The following PLB1 variants were observed in gnomAD, a reference collection of about 807,000 sequenced individuals.
PLB1 encodes the protein phospholipase B1, membrane-associated.
PLB1 carries 242 observed loss-of-function variants against 227.4 expected under a neutral mutation model. That is an observed-to-expected ratio of 1.06 (90% confidence interval 0.96 to 1.18). PLB1 has a LOEUF of 1.18. Ranked by LOEUF, PLB1 falls within the 50% of genes most tolerant of loss-of-function variation. PLB1 has a pLI of 0.00. For synonymous variants in PLB1, 757 were observed against 682.2 expected, an observed-to-expected ratio of 1.11 and a Z score of -1.71; for missense variants, 1,858 against 1,816.3, an observed-to-expected ratio of 1.02 and a Z score of -0.42.
chr2:28,582,276 G>T, intron 24 of PLB1, 129 bp from the exon 25 acceptor site: 1 of 1,173,134 alleles, frequency 8.5e-7, no homozygotes, highest in East Asian at 2.5e-5. Context: ...GCAGGGACGG[G>T]TGGAGGAAGT....
Position 28,563,212 on chromosome 2 carries a change from A to G in PLB1, c.1206+113A>G, listed in dbSNP as rs190152403. 2.4e-4 allele frequency: 256 copies of G among 1,050,316 alleles called. No homozygotes were observed. In the African/African-American group the frequency reaches 3.2e-3, roughly 13 times the overall value. 65.1% of individuals were successfully genotyped at this position (1,050,316 alleles called of 1,614,324 possible). On this transcript the variant is annotated intron_variant, in intron 18 of 57. Coordinates refer to ENST00000327757, the MANE Select transcript of PLB1 (RefSeq NM_153021.5). Reference sequence around the variant, plus strand: ...TCACGCCTGGCTCTTAGATGCTACCATCTCGGGTCCTGATCTCCATCTCTC... The same window carrying G: ...TCACGCCTGGCTCTTAGATGCTACCGTCTCGGGTCCTGATCTCCATCTCTC...
intron 56 of PLB1, among the ~76,000 whole-genome samples, chr2:28,636,281 C>A (rs1689351161): frequency 1.3e-5 from 2 of 152,142 alleles, no homozygotes; most frequent in South Asian, 4.1e-4. Context: ...CCAGGCTGGT[C>A]TTTAACTCCT....
At chr2:28,585,738 T>C (rs759751305) in intron 25 of PLB1, 23 bp from the exon 26 acceptor site, 7 of 1,555,976 alleles carry the variant, frequency 4.5e-6, no homozygotes. Context: ...GGGATGAGGG[T>C]TTCTCTTTGG....
At chr2:28,629,896 T>A (rs1180259791) in intron 53 of PLB1, among the ~76,000 whole-genome samples, 1 of 152,182 alleles carries the variant, frequency 6.6e-6, no homozygotes, top group Non-Finnish European at 1.5e-5. Context: ...TGATTATTGC[T>A]ATGAGAGAGG....
Position 28,620,964 on chromosome 2 carries a change from A to G in PLB1, c.3513A>G (p.Glu1171=), listed in dbSNP as rs763026487. ...EGTAGLNVAA[E]GARARDMPAQ... ...CAGCAGGACTAAATGTGGCAGCGGA[A>G]GGGGCCAGAGCTAGGTGAGTAGATG... Residue 1171 remains glutamate (E), a synonymous_variant, in exon 49 of 58, where the codon GAA becomes GAG. Coordinates refer to ENST00000327757, the MANE Select transcript of PLB1 (RefSeq NM_153021.5). 1.9e-6 allele frequency: 3 copies of G among 1,612,262 alleles called. No individual in the cohort carries two copies. In the Admixed American group the frequency reaches 5.0e-5, roughly 27 times the overall value.
At chr2:28,527,132 T>A (rs1463006800) in intron 6 of PLB1, among the ~76,000 whole-genome samples, 1 of 152,200 alleles carries the variant, frequency 6.6e-6, no homozygotes, top group African/African-American at 2.4e-5. Flanking sequence ...GGATATAGTT[T>A]AGACCCTGAA....
In PLB1 at chr2:28,606,624, C is replaced by T. The variant is rs923341940; in HGVS notation, c.3129+57C>T. The T allele has an allele frequency of 4.6e-6, 7 of 1,510,472 alleles. No individual in the cohort carries two copies. In the Admixed American group the frequency reaches 8.4e-5, roughly 18 times the overall value. The allele number at this position is 1,510,472 out of a possible 1,614,324, so 93.6% of individuals were successfully genotyped here. Reference sequence around the variant, plus strand: ...CACAAACCAGGGCACACAGCTCGCCCTACCCACTTCGTCCTCCACCACAGC... The same window carrying T: ...CACAAACCAGGGCACACAGCTCGCCTTACCCACTTCGTCCTCCACCACAGC... On this transcript the variant is annotated intron_variant, in intron 43 of 57. Transcript: ENST00000327757.
At chr2:28,602,240 A>G (rs955825227) in intron 38 of PLB1, among the ~76,000 whole-genome samples, 7 of 152,136 alleles carry the variant, frequency 4.6e-5, no homozygotes, top group Non-Finnish European at 8.8e-5. Flanking sequence ...CCCCACTACT[A>G]TCCGGGACAT....
chr2:28,565,265 A>G lies in PLB1; in HGVS notation c.1207-15A>G, dbSNP rs1573003137. 2 of 1,607,652 alleles carry G rather than the reference A, an allele frequency of 1.2e-6. No homozygotes were observed. The highest frequency in any genetic ancestry group is 8.5e-7 in the Non-Finnish European group (1 of 1,177,016). ...GGAAAGCAGAGAAACTCACCCCCTC[A>G]TTGTTCCCTCTCAGGCAGGCAATGG... On this transcript the variant is annotated splice_polypyrimidine_tract_variant and intron_variant, in intron 18 of 57. Coordinates refer to ENST00000327757, the MANE Select transcript of PLB1 (RefSeq NM_153021.5).
At chr2:28,544,613 G>A (rs13391237) in intron 14 of PLB1, among the ~76,000 whole-genome samples, 72,911 of 152,024 alleles carry the variant, frequency 0.48, 17,872 homozygotes, top group East Asian at 0.76. Context: ...CCAGAGGAAC[G>A]AGAGTCAAAA....
At chr2:28,623,359 T>TA (rs549840311) in intron 49 of PLB1, among the ~76,000 whole-genome samples, 75 of 152,144 alleles carry the variant, frequency 4.9e-4, no homozygotes, top group African/African-American at 1.6e-3. Flanking sequence ...AGAAGATGGC[T>TA]AGGAAGAGGG....
At chr2:28,621,289 G>A (rs761344309) in intron 49 of PLB1, among the ~76,000 whole-genome samples, 1 of 152,122 alleles carries the variant, frequency 6.6e-6, no homozygotes, top group African/African-American at 2.4e-5. Flanking sequence ...AGCAGGAGGC[G>A]CACATCTGCC....
intron 51 of PLB1, among the ~76,000 whole-genome samples, chr2:28,627,229 G>A (rs896084207): frequency 6.6e-6 from 1 of 152,108 alleles, no homozygotes; most frequent in African/African-American, 2.4e-5. Context: ...ACACACAGGA[G>A]TTGGTTTTCC....
At chr2:28,640,742 A>G (rs1441011149) in intron 56 of PLB1, among the ~76,000 whole-genome samples, 185 bp from the exon 57 acceptor site, 1 of 152,162 alleles carries the variant, frequency 6.6e-6, no homozygotes, top group Admixed American at 6.5e-5. Context: ...TCTGTGTGTC[A>G]TAAGTCAACT....
chr2:28,619,470 G>A (rs912546752), intron 46 of PLB1, among the ~76,000 whole-genome samples: 2 of 146,046 alleles, frequency 1.4e-5, no homozygotes, highest in Non-Finnish European at 3.0e-5. Flanking sequence ...TTATTCGTTT[G>A]TTTAAATATT....
At chr2:28,552,775 G>A (rs924094989) in intron 16 of PLB1, among the ~76,000 whole-genome samples, 153 bp from the exon 17 acceptor site, 4 of 152,192 alleles carry the variant, frequency 2.6e-5, no homozygotes, top group Non-Finnish European at 5.9e-5. Context: ...TGGACAATTG[G>A]ATATGAGTGT....
At chr2:28,502,153 A>G (rs1168912969) in intron 1 of PLB1, among the ~76,000 whole-genome samples, 3 of 152,208 alleles carry the variant, frequency 2.0e-5, no homozygotes, top group Admixed American at 6.5e-5. Context: ...ATTGACAACA[A>G]AGCATGCAGT....
chr2:28,600,840 C>T lies in PLB1; in HGVS notation c.2506C>T (p.Gln836Ter). ...DLMSQVQTLM[Q>*]KMKDDHRVNF... ...TATGAGCCAAGTCCAAACTCTGATG[C>T]AGAAGATGAAAGATGATCATGTGAG... Residue 836 changes from glutamine (Q) to a stop codon, truncating the protein, a stop_gained, in exon 36 of 58, where the codon CAG (glutamine) becomes TAG (stop). Transcript: ENST00000327757. LOFTEE classifies it high-confidence loss of function. 1 of 1,612,602 alleles carries T rather than the reference C, an allele frequency of 6.2e-7. No homozygotes were observed.
chr2:28,585,119 T>C (rs1296341400), intron 25 of PLB1, among the ~76,000 whole-genome samples: 1 of 152,194 alleles, frequency 6.6e-6, no homozygotes, highest in African/African-American at 2.4e-5. Context: ...TCAATGTATC[T>C]TAGCAATTAT....
Sources: gnomAD v4.1 joint callset for allele counts (sites outside exome capture counted in the v4.1 genomes callset) on GRCh38, gnomAD v4.1.1 for gene constraint, MANE v1.5 for transcripts, NCBI Gene and HGNC (gene_info 2026-07-23, HGNC 2026-07-21) for gene names.